Variants in MAP2K4 observed in about 807,000 individuals in gnomAD.
MAP2K4 encodes the protein mitogen-activated protein kinase kinase 4.
MAP2K4 carries 4 observed loss-of-function variants against 48.5 expected under a neutral mutation model. That is an observed-to-expected ratio of 0.08 (90% CI 0.04 to 0.19). MAP2K4 has a LOEUF of 0.19. Among genes scored for constraint, MAP2K4 ranks in the 10% least tolerant of loss-of-function variants. The pLI, the probability that MAP2K4 is intolerant of heterozygous loss-of-function variation, is 1.00. For missense variants in MAP2K4, 258 were observed against 493.3 expected (o/e 0.52, Z 4.52); for synonymous variants, 166 against 173.1 (o/e 0.96, Z 0.32).
At chr17:12,031,330 T>C (rs1335312153) in intron 1 of MAP2K4, among the ~76,000 whole-genome samples, 1 of 152,250 alleles carries the variant, frequency 6.6e-6, no homozygotes, top group African/African-American at 2.4e-5. Flanking sequence ...GAAAGACTAC[T>C]TAACTATCCT....
At chr17:12,107,649 C>T (rs954366402) in intron 4 of MAP2K4, 141 bp from the exon 5 acceptor site, 2 of 743,996 alleles carry the variant, frequency 2.7e-6, no homozygotes, top group Non-Finnish European at 2.1e-6. Flanking sequence ...AAGGCTTTAA[C>T]AAGAAAACAA....
chr17:12,030,781 T>C (rs990735847), intron 1 of MAP2K4, among the ~76,000 whole-genome samples: 4 of 152,184 alleles, frequency 2.6e-5, no homozygotes, highest in African/African-American at 9.6e-5. Flanking sequence ...TTCACCTCTT[T>C]CTTTTTGCTA....
chr17:12,057,684 C>T (rs73300455), intron 2 of MAP2K4, among the ~76,000 whole-genome samples: 6,210 of 152,002 alleles, frequency 0.041, 410 homozygotes, highest in African/African-American at 0.14. Context: ...GCCTATATCC[C>T]CTGTATCCTA....
chr17:12,068,006 C>G (rs1402615048), intron 2 of MAP2K4, among the ~76,000 whole-genome samples: 3 of 152,042 alleles, frequency 2.0e-5, no homozygotes, highest in Non-Finnish European at 1.5e-5. Flanking sequence ...GGCTTCTAAA[C>G]TTGAGTGAGT....
At chr17:12,072,930 A>G (rs149885509) in intron 2 of MAP2K4, among the ~76,000 whole-genome samples, 69 of 152,356 alleles carry the variant, frequency 4.5e-4, no homozygotes, top group African/African-American at 1.6e-3. Context: ...CAGATCACAA[A>G]TGAAAAGTAG....
At chr17:12,075,881 A>T (rs1219603839) in intron 2 of MAP2K4, among the ~76,000 whole-genome samples, 2 of 152,240 alleles carry the variant, frequency 1.3e-5, no homozygotes, top group Non-Finnish European at 2.9e-5. Context: ...CTATTCCCAT[A>T]GTATACAAAG....
chr17:12,103,724 T>A (rs1435644829), intron 4 of MAP2K4, among the ~76,000 whole-genome samples: 1 of 152,278 alleles, frequency 6.6e-6, no homozygotes, highest in Non-Finnish European at 1.5e-5. Flanking sequence ...AATATCGCTT[T>A]ATGTATTTTC....
At chr17:12,125,480 A>G in intron 8 of MAP2K4, 109 bp downstream of exon 8, 1 of 827,612 alleles carries the variant, frequency 1.2e-6, no homozygotes, top group Non-Finnish European at 2.1e-6. Flanking sequence ...ATAATCACAG[A>G]CACTATGGTT....
Position 12,081,362 on chromosome 17 carries a change from A to G in MAP2K4, c.225A>G (p.Arg75=), listed in dbSNP as rs1971181120. The stretch of plus-strand genomic sequence containing the variant: ...CTTCCCAATATTTTAACAGAGAGAG[A>G]CTGAGAACACACAGCATTGAGTCAT... The part of the protein sequence containing the change: ...PTGVQNPHIE[R]LRTHSIESSG... The change falls in exon 3 of 11, where the codon AGA becomes AGG. Residue 75 remains arginine, a synonymous_variant. Coordinates refer to ENST00000353533, the MANE Select transcript of MAP2K4 (RefSeq NM_003010.4). This position sits in a 1 kb window ranked among gnomAD's most constrained non-coding sequence, Gnocchi z 4.2. 6.2e-7 allele frequency: 1 copy of G among 1,607,372 alleles called. No homozygotes were observed. The highest frequency in any genetic ancestry group is 8.5e-7 in the Non-Finnish European group (1 of 1,178,302).
chr17:12,098,845 G>C (rs549427384), intron 4 of MAP2K4, among the ~76,000 whole-genome samples: 13 of 151,964 alleles, frequency 8.6e-5, no homozygotes, highest in Non-Finnish European at 1.5e-4. Flanking sequence ...ATCCATCAAG[G>C]AGCTTATGAG....
chr17:12,071,763 G>A (rs1039217460), intron 2 of MAP2K4, among the ~76,000 whole-genome samples: 7 of 152,140 alleles, frequency 4.6e-5, no homozygotes, highest in African/African-American at 1.7e-4. Context: ...AGTGTAGAAG[G>A]TACACACCAA....
intron 2 of MAP2K4, among the ~76,000 whole-genome samples, chr17:12,061,092 A>G (rs2151530990): frequency 6.6e-6 from 1 of 152,278 alleles, no homozygotes; most frequent in Non-Finnish European, 1.5e-5. Context: ...TGTCTAGCTT[A>G]TCTCATTCAA....
intron 7 of MAP2K4, among the ~76,000 whole-genome samples, chr17:12,117,221 TA>T (rs954298376): frequency 4.0e-5 from 6 of 151,732 alleles, no homozygotes; most frequent in South Asian, 2.1e-4. Flanking sequence ...TTACCACACC[TA>T]AAAAAAACAA....
chr17:12,081,316 A>G lies in MAP2K4; in HGVS notation c.219-40A>G, dbSNP rs899026280. On this transcript the variant is annotated intron_variant, in intron 2 of 10. Coordinates refer to ENST00000353533, the MANE Select transcript of MAP2K4 (RefSeq NM_003010.4). The surrounding 1 kb of genome is among the most constrained non-coding windows in gnomAD (Gnocchi z 4.2). ...TACTAAAAGAAAAAAGTTAAAACCT[A>G]TTTAAAATGTGGAAAAATTGCTTCC... 2 of 1,535,132 alleles carry G rather than the reference A, an allele frequency of 1.3e-6. No homozygotes were observed.
intron 1 of MAP2K4, 85 bp from the exon 2 acceptor site, chr17:12,054,804 C>G (rs1293687349): frequency 1.3e-6 from 1 of 764,988 alleles, no homozygotes; most frequent in Non-Finnish European, 2.2e-6. Flanking sequence ...GTTCTCTTGC[C>G]TTTTGGTGTG....
intron 7 of MAP2K4, among the ~76,000 whole-genome samples, chr17:12,114,939 A>G (rs1339170968): frequency 6.6e-6 from 1 of 152,168 alleles, no homozygotes; most frequent in African/African-American, 2.4e-5. Flanking sequence ...CTTGGCCTCT[A>G]ATCTTTACTG....
intron 8 of MAP2K4, among the ~76,000 whole-genome samples, chr17:12,127,962 T>A (rs758974671): frequency 5.9e-5 from 9 of 152,244 alleles, no homozygotes; most frequent in Admixed American, 3.3e-4. Flanking sequence ...CTCTGTAATA[T>A]GTTTGGAGCC....
At chr17:12,127,003 C>CT (rs1227977903) in intron 8 of MAP2K4, among the ~76,000 whole-genome samples, 1 of 152,062 alleles carries the variant, frequency 6.6e-6, no homozygotes, top group African/African-American at 2.4e-5. Context: ...GAGCAATGGG[C>CT]TTTTTTTGTA....
intron 2 of MAP2K4, among the ~76,000 whole-genome samples, chr17:12,068,509 G>A (rs1049454643): frequency 1.3e-5 from 2 of 152,048 alleles, no homozygotes; most frequent in Non-Finnish European, 2.9e-5. Flanking sequence ...AGACATTTTG[G>A]AAGTAATTAA....
Sources: gnomAD v4.1 joint callset for allele counts (sites outside exome capture counted in the v4.1 genomes callset) on GRCh38, gnomAD v4.1.1 for gene constraint, Gnocchi (gnomAD v3.1) non-coding constraint, MANE v1.5 for transcripts, NCBI Gene and HGNC (gene_info 2026-07-23, HGNC 2026-07-21) for gene names.